The following PRIM2 variants were observed in gnomAD, a reference collection of about 807,000 sequenced individuals.
PRIM2 encodes the protein DNA primase subunit 2.
Under a neutral mutation model 67.3 loss-of-function variants are expected in PRIM2, and 39 were observed. The ratio of observed to expected loss-of-function variants is 0.58; its 90% confidence interval spans 0.45 to 0.76. The LOEUF (loss-of-function observed/expected upper bound fraction) is 0.76, where lower values mean the gene tolerates loss of function less well. PRIM2 is among the 30% of genes least tolerant of loss of function. The pLI, the probability that PRIM2 is intolerant of heterozygous loss-of-function variation, is 0.00. For synonymous variants in PRIM2, 143 were observed against 198.7 expected, an observed-to-expected ratio of 0.72 and a Z score of 2.36; for missense variants, 398 against 598.7, an observed-to-expected ratio of 0.66 and a Z score of 3.50.
chr6:57,375,639 A>G (rs1769736763), intron 5 of PRIM2, among the ~76,000 whole-genome samples: 2 of 142,522 alleles, frequency 1.4e-5, no homozygotes, highest in African/African-American at 2.6e-5. Context: ...GTAGCCTTAA[A>G]CTCCTGGGCT....
At chr6:57,595,607 A>G (rs1250414273) in intron 10 of PRIM2, among the ~76,000 whole-genome samples, 6 of 152,172 alleles carry the variant, frequency 3.9e-5, no homozygotes, top group Non-Finnish European at 7.3e-5. Flanking sequence ...CCCCCTTCTC[A>G]GGTTCAGTAA....
the PRIM2 span, among the ~76,000 whole-genome samples, chr6:57,293,195 C>T: frequency 6.6e-6 from 1 of 152,170 alleles, no homozygotes; most frequent in Non-Finnish European, 1.5e-5. Context: ...AGACACTTCT[C>T]AAAAGAAGAT....
At chr6:57,392,638 G>GT (rs145775905) in intron 7 of PRIM2, among the ~76,000 whole-genome samples, 3,481 of 144,580 alleles carry the variant, frequency 0.024, 57 homozygotes, top group Non-Finnish European at 0.033. Context: ...GAAAATATTC[G>GT]TTTTTTTTTT....
intron 7 of PRIM2, among the ~76,000 whole-genome samples, chr6:57,390,468 T>C (rs1343486123): frequency 6.6e-6 from 1 of 152,120 alleles, no homozygotes; most frequent in Non-Finnish European, 1.5e-5. Flanking sequence ...GGGCTTGTTG[T>C]ACAGATTATT....
At chr6:57,465,828 TTTATAA>T (rs1308495709) in intron 7 of PRIM2, among the ~76,000 whole-genome samples, 4 of 150,948 alleles carry the variant, frequency 2.6e-5, no homozygotes, top group Non-Finnish European at 5.9e-5. Context: ...ATTCTTTTTT[TTTATAA>T]TTATACTTAT....
In PRIM2 at chr6:57,436,652, A is replaced by G. The variant is rs376783251; in HGVS notation, c.693+54484A>G. ...ATATGCGAAGGATTTGTAAAGAAAT[A>G]TATTTCTAGTTAGTGCATTTCATGT... On this transcript the variant is annotated intron_variant, in intron 7 of 13. Transcript: ENST00000615550. Among the ~76,000 whole-genome samples, 5 of 152,288 alleles carry G rather than the reference A, an allele frequency of 3.3e-5. No homozygotes were observed. In the East Asian group the frequency reaches 5.8e-4, roughly 18 times the overall value.
chr6:57,362,548 A>G (rs532787100), intron 5 of PRIM2, among the ~76,000 whole-genome samples: 19 of 152,258 alleles, frequency 1.2e-4, no homozygotes, highest in Middle Eastern at 3.4e-3. Flanking sequence ...ATGACTCAGA[A>G]TCTGGCTGCC....
chr6:57,609,943 A>C (rs1417446146), intron 12 of PRIM2, among the ~76,000 whole-genome samples: 1 of 152,238 alleles, frequency 6.6e-6, no homozygotes, highest in African/African-American at 2.4e-5. Flanking sequence ...CCAAGCGTAC[A>C]TTAAAATATT....
chr6:57,244,725 G>A, the PRIM2 span, among the ~76,000 whole-genome samples: 2 of 146,450 alleles, frequency 1.4e-5, no homozygotes, highest in African/African-American at 5.0e-5. Flanking sequence ...TGGGTGATAA[G>A]AGCGAAACTC....
chr6:57,393,461 G>T (rs1441563931), intron 7 of PRIM2, among the ~76,000 whole-genome samples: 1 of 152,100 alleles, frequency 6.6e-6, no homozygotes, highest in Non-Finnish European at 1.5e-5. Context: ...CTTCTTTTGA[G>T]AATTGTCTAT....
intron 12 of PRIM2, among the ~76,000 whole-genome samples, chr6:57,612,716 T>C (rs2127494649): frequency 6.6e-6 from 1 of 152,148 alleles, no homozygotes; most frequent in South Asian, 2.1e-4. Context: ...AGAAAAAACT[T>C]AGTCCCTGAG....
At chr6:57,387,318 T>C (rs1581852905) in intron 7 of PRIM2, among the ~76,000 whole-genome samples, 1 of 152,168 alleles carries the variant, frequency 6.6e-6, no homozygotes, top group Admixed American at 6.5e-5. Context: ...AATAATGATA[T>C]AAACTTGCTT....
At chr6:57,519,373 A>C (rs1774560873) in intron 8 of PRIM2, among the ~76,000 whole-genome samples, 1 of 152,246 alleles carries the variant, frequency 6.6e-6, no homozygotes, top group Non-Finnish European at 1.5e-5. Context: ...TCACCCCTGC[A>C]GTCTCGACCA....
intron 10 of PRIM2, among the ~76,000 whole-genome samples, chr6:57,578,908 C>T (rs1390477234): frequency 1.3e-5 from 2 of 151,480 alleles, no homozygotes; most frequent in African/African-American, 2.4e-5. Flanking sequence ...GATCTCCTGA[C>T]CTCGTGATCC....
At chr6:57,318,352 T>C (rs757941445) in intron 1 of PRIM2, 85 bp from the exon 2 acceptor site, 40 of 1,323,752 alleles carry the variant, frequency 3.0e-5, no homozygotes, top group Middle Eastern at 1.9e-4. Context: ...TCTGTGTTTG[T>C]GGAATTATTT....
At chr6:57,492,800 T>G (rs1366112705) in intron 7 of PRIM2, among the ~76,000 whole-genome samples, 2 of 152,126 alleles carry the variant, frequency 1.3e-5, no homozygotes, top group Non-Finnish European at 2.9e-5. Context: ...CAGCACATCT[T>G]TAAAGCAAAT....
At chr6:57,345,051 T>C (rs1434003929) in intron 5 of PRIM2, among the ~76,000 whole-genome samples, 2 of 103,048 alleles carry the variant, frequency 1.9e-5, no homozygotes, top group Non-Finnish European at 3.9e-5. Context: ...TTTCCATGCC[T>C]ATAACTTTTG....
chr6:57,644,419 T>C lies in PRIM2; in HGVS notation c.1300-1509T>C, dbSNP rs1412902308. On this transcript the variant is annotated intron_variant, in intron 13 of 13. Coordinates refer to ENST00000615550, the MANE Select transcript of PRIM2 (RefSeq NM_000947.5). ...GCCGAAATTTCTCTCTACTGTGGAG[T>C]GTAATAGGCCTTTATCTGTGACCCT... Among the ~76,000 whole-genome samples the C allele has an allele frequency of 3.3e-5, 5 of 152,160 alleles. No individual in the cohort carries two copies. In the East Asian group the frequency reaches 9.7e-4, roughly 29 times the overall value.
intron 10 of PRIM2, among the ~76,000 whole-genome samples, chr6:57,541,689 G>C (rs2127471722): frequency 6.6e-6 from 1 of 152,254 alleles, no homozygotes; most frequent in East Asian, 1.9e-4. Context: ...GACCCAGGAA[G>C]AGGCAATGTT....
Sources: gnomAD v4.1 joint callset for allele counts (sites outside exome capture counted in the v4.1 genomes callset) on GRCh38, gnomAD v4.1.1 for gene constraint, MANE v1.5 for transcripts, NCBI Gene and HGNC (gene_info 2026-07-23, HGNC 2026-07-21) for gene names.